The following ZFAT variants were observed in gnomAD, a reference collection of about 807,000 sequenced individuals.
The protein encoded by ZFAT is zinc finger and AT-hook domain containing.
In ZFAT, 64 loss-of-function variants were observed where a neutral mutation model predicts 117.7. The observed-to-expected ratio is 0.54, with a 90% CI of 0.44 to 0.67. The LOEUF (loss-of-function observed/expected upper bound fraction) is 0.67, where lower values mean the gene tolerates loss of function less well. Among genes scored for constraint, ZFAT ranks in the 30% least tolerant of loss-of-function variants. The pLI is 0.00. For missense variants in ZFAT, 1,433 were observed against 1,584.5 expected, an observed-to-expected ratio of 0.90 and a Z score of 1.62; for synonymous variants, 679 against 615.0, an observed-to-expected ratio of 1.10 and a Z score of -1.54.
In ZFAT at chr8:134,533,254, A is replaced by G. The variant is rs539869526; in HGVS notation, c.2977-282T>C. Reference sequence around the variant, plus strand: ...TCTTTTTTCATCCACCTCAGAATTTAGTTTTTGTTCAAGAAGAAGACAAAA... The same window carrying G: ...TCTTTTTTCATCCACCTCAGAATTTGGTTTTTGTTCAAGAAGAAGACAAAA... On this transcript the variant is annotated intron_variant, in intron 11 of 15. Coordinates refer to ENST00000377838, the MANE Select transcript of ZFAT (RefSeq NM_020863.4). 2.0e-5 allele frequency among the ~76,000 whole-genome samples: 3 copies of G among 152,306 alleles called. No homozygotes were observed. In the East Asian group the frequency reaches 5.8e-4, roughly 29 times the overall value.
Position 134,602,847 on chromosome 8 carries a change from C to CT in ZFAT, c.871dup (p.Arg291LysfsTer6). On this transcript the variant is annotated frameshift_variant, in exon 6 of 16. Coordinates refer to ENST00000377838, the MANE Select transcript of ZFAT (RefSeq NM_020863.4). LOFTEE classifies it high-confidence loss of function. ...GTATGGCTTTTCATTGGTGTGGATC[C>CT]TCAGGTGGGCCTGCAGCGAGTGCTT... The CT allele has an allele frequency of 6.2e-7, 1 of 1,604,888 alleles. No individual in the cohort carries two copies. Among genetic ancestry groups the CT allele is most frequent in the Non-Finnish European group, 8.5e-7 (1 of 1,175,962 alleles).
Position 134,602,428 on chromosome 8 carries a change from G to C in ZFAT, c.1291C>G (p.Pro431Ala). The C allele has an allele frequency of 5.0e-6, 8 of 1,613,936 alleles. No individual in the cohort carries two copies. Among genetic ancestry groups the C allele is most frequent in the Non-Finnish European group, 5.9e-6 (7 of 1,180,004 alleles). The change falls in exon 6 of 16, where the codon CCT becomes GCT. Residue 431 changes from proline to alanine, a missense_variant. Transcript: ENST00000377838. ...TGGCCACAGAGCTCACAGGCAAAAGGCCACTTGTCTCCGTGGACCAGCATA... is the reference window on the plus strand; with the variant it reads ...TGGCCACAGAGCTCACAGGCAAAAGCCCACTTGTCTCCGTGGACCAGCATA... ...RHMLVHGDKW[P>A]FACELCGHGA... is the part of the protein sequence containing the mutation.
intron 7 of ZFAT, among the ~76,000 whole-genome samples, chr8:134,591,085 C>T (rs73711215): frequency 5.3e-5 from 8 of 152,306 alleles, no homozygotes; most frequent in African/African-American, 1.9e-4. Flanking sequence ...GTCTACCACA[C>T]ACACCAGTGC....
the ZFAT span, chr8:134,797,126 T>C: frequency 1.3e-5 from 2 of 152,220 alleles, no homozygotes; most frequent in African/African-American, 4.8e-5. Context: ...CTCAGTATTT[T>C]GGTGAATACT....
intron 10 of ZFAT, among the ~76,000 whole-genome samples, chr8:134,578,935 A>G (rs917934384): frequency 1.3e-5 from 2 of 152,224 alleles, no homozygotes; most frequent in Non-Finnish European, 2.9e-5. Flanking sequence ...CACCAAATTT[A>G]GCCTACTTCC....
intron 1 of ZFAT, chr8:134,696,391 C>T: frequency 1.0e-6 from 1 of 985,606 alleles, no homozygotes; most frequent in South Asian, 4.7e-5. Flanking sequence ...CAGGAATCAA[C>T]AGGAAAGTTC....
chr8:134,813,872 T>C, the ZFAT span, among the ~76,000 whole-genome samples: 1 of 151,862 alleles, frequency 6.6e-6, no homozygotes, highest in African/African-American at 2.4e-5. Context: ...TTAAAAAATA[T>C]ATATATTATT....
intron 15 of ZFAT, among the ~76,000 whole-genome samples, chr8:134,484,418 C>T (rs1374369325): frequency 1.3e-5 from 2 of 152,228 alleles, no homozygotes; most frequent in African/African-American, 4.8e-5. Context: ...GGGCCAGCTG[C>T]TGCCTGCCCT....
intron 5 of ZFAT, among the ~76,000 whole-genome samples, chr8:134,607,437 C>G (rs2130955048): frequency 6.6e-6 from 1 of 152,352 alleles, no homozygotes; most frequent in Non-Finnish European, 1.5e-5. Context: ...ATTCTCACTA[C>G]TAAACTAAAA....
intron 10 of ZFAT, among the ~76,000 whole-genome samples, chr8:134,577,994 G>A (rs920584327): frequency 3.9e-5 from 6 of 152,050 alleles, no homozygotes; most frequent in African/African-American, 9.7e-5. Flanking sequence ...AGAGTGACTC[G>A]TCAATAAAGA....
chr8:134,529,237 C>T (rs1021444153), intron 12 of ZFAT, among the ~76,000 whole-genome samples: 5 of 152,166 alleles, frequency 3.3e-5, no homozygotes, highest in Non-Finnish European at 1.5e-5. Flanking sequence ...CACTAAACCC[C>T]ATCCTCACCC....
the ZFAT span, among the ~76,000 whole-genome samples, chr8:134,718,932 G>T: frequency 2.6e-5 from 4 of 152,210 alleles, no homozygotes. Flanking sequence ...TTGAAAGAAT[G>T]AGAGTGCCAC....
chr8:134,652,386 G>A (rs192570677), intron 2 of ZFAT, among the ~76,000 whole-genome samples: 212 of 152,228 alleles, frequency 1.4e-3, no homozygotes, highest in Middle Eastern at 6.8e-3. Context: ...GTATTCTATA[G>A]CAGAAAAAAA....
the ZFAT span, chr8:134,765,949 A>T: frequency 6.6e-6 from 1 of 152,246 alleles, no homozygotes; most frequent in African/African-American, 2.4e-5. Flanking sequence ...AAGATATTTT[A>T]GCTACTGTTT....
At chr8:134,480,626 G>C (rs1194242229) in intron 15 of ZFAT, among the ~76,000 whole-genome samples, 1 of 152,206 alleles carries the variant, frequency 6.6e-6, no homozygotes, top group Non-Finnish European at 1.5e-5. Flanking sequence ...TGCCAGTTGG[G>C]GTCCCAGGAG....
chr8:134,602,470 G>C lies in ZFAT; in HGVS notation c.1249C>G (p.Leu417Val). The change falls in exon 6 of 16, where the codon CTG (leucine) becomes GTG (valine). Residue 417 changes from leucine (L) to valine (V), a missense_variant. Around this residue, in one of 5 missense-constraint regions of ZFAT, gnomAD observed 73 missense variants for 122.0 expected, o/e 0.60. Coordinates refer to ENST00000377838, the MANE Select transcript of ZFAT (RefSeq NM_020863.4). Reference protein sequence around the residue: ...HICERKFKNELDRDRHMLVHG... With the variant: ...HICERKFKNEVDRDRHMLVHG... Reference sequence around the variant, plus strand: ...ACCAGCATATGGCGGTCACGGTCCAGCTCGTTCTTGAACTTGCGCTCACAG... The same window carrying C: ...ACCAGCATATGGCGGTCACGGTCCACCTCGTTCTTGAACTTGCGCTCACAG... 1 of 1,613,846 alleles carries C rather than the reference G, an allele frequency of 6.2e-7. No individual in the cohort carries two copies. Among genetic ancestry groups the C allele is most frequent in the Non-Finnish European group, 8.5e-7 (1 of 1,180,010 alleles).
intron 15 of ZFAT, among the ~76,000 whole-genome samples, chr8:134,483,476 C>T (rs1413255479): frequency 6.6e-6 from 1 of 152,172 alleles, no homozygotes; most frequent in African/African-American, 2.4e-5. Flanking sequence ...TAGTCTCAGG[C>T]TGGCTGTAGA....
the ZFAT span, among the ~76,000 whole-genome samples, chr8:134,749,514 G>A: frequency 6.6e-6 from 1 of 152,130 alleles, no homozygotes; most frequent in East Asian, 1.9e-4. Context: ...CCACTCTTGA[G>A]GGTAGAGCCC....
the ZFAT span, among the ~76,000 whole-genome samples, chr8:134,805,891 T>C: frequency 6.6e-6 from 1 of 151,956 alleles, no homozygotes; most frequent in Admixed American, 6.6e-5. Context: ...GGTAAGAGGA[T>C]CCCTGAGCTT....
Sources: allele counts gnomAD v4.1 joint callset (sites outside exome capture counted in the v4.1 genomes callset), GRCh38; gene constraint gnomAD v4.1.1; regional missense constraint gnomAD v4.1.1; transcripts MANE v1.5; gene names NCBI Gene and HGNC (gene_info 2026-07-23, HGNC 2026-07-21).